Variants in PEX7 observed in about 807,000 individuals in gnomAD.
PEX7 encodes peroxisomal biogenesis factor 7.
Under a neutral mutation model 47.5 loss-of-function variants are expected in PEX7, and 34 were observed. That is an observed-to-expected ratio of 0.72 (90% CI 0.54 to 0.95). PEX7 has a LOEUF of 0.95. Among genes scored for constraint, PEX7 ranks in the 40% least tolerant of loss-of-function variants. PEX7 has a pLI of 0.00. For synonymous variants in PEX7, 141 were observed against 148.8 expected (o/e 0.95, Z 0.38); for missense variants, 394 against 400.3 (o/e 0.98, Z 0.13).
At chr6:136,852,126 T>C (rs1167757588) in intron 5 of PEX7, among the ~76,000 whole-genome samples, 2 of 144,082 alleles carry the variant, frequency 1.4e-5, no homozygotes, top group Non-Finnish European at 3.0e-5. Flanking sequence ...AGGGTTTTTA[T>C]GGTTTTAGGT....
At chr6:136,853,132 A>T (rs1774790834) in intron 5 of PEX7, among the ~76,000 whole-genome samples, 1 of 152,336 alleles carries the variant, frequency 6.6e-6, no homozygotes, top group East Asian at 1.9e-4. Context: ...TGGTTTTTAT[A>T]AATAGTTTCA....
At chr6:136,881,370 G>A (rs756398486) in intron 8 of PEX7, among the ~76,000 whole-genome samples, 3 of 152,138 alleles carry the variant, frequency 2.0e-5, no homozygotes, top group Non-Finnish European at 4.4e-5. Context: ...TGTCGCTCAT[G>A]GATTCAAAAA....
intron 1 of PEX7, 139 bp downstream of exon 1, chr6:136,822,934 C>T: frequency 8.3e-7 from 1 of 1,208,302 alleles, no homozygotes. Flanking sequence ...GCAGAAGAGG[C>T]GCTGGTCGGC....
intron 6 of PEX7, among the ~76,000 whole-genome samples, chr6:136,867,191 T>C (rs1775087114): frequency 1.3e-5 from 2 of 152,224 alleles, no homozygotes; most frequent in South Asian, 4.1e-4. Context: ...CTCTGTAAGA[T>C]AAGTGTCCAT....
rs10670625 is a variant in PEX7, at chr6:136,840,508, T to TGTG, written c.340-5106_340-5105insTGG. Among the ~76,000 whole-genome samples, 298 of 151,836 alleles carry TGTG rather than the reference T, an allele frequency of 2.0e-3. 3 individuals are homozygous for TGTG. Among genetic ancestry groups the TGTG allele is most frequent in the African/African-American group, 6.5e-3 (268 of 41,380 alleles). On this transcript the variant is annotated intron_variant, in intron 3 of 9. Coordinates refer to ENST00000318471, the MANE Select transcript of PEX7 (RefSeq NM_000288.4). ...ATAATGTTGAGCGAAGATGCTAAGT[T>TGTG]GGAGCTACATATAGTGTGAAACCAC... is the stretch of plus-strand genomic sequence containing the variant.
intron 9 of PEX7, among the ~76,000 whole-genome samples, chr6:136,908,436 CA>C (rs1399429081): frequency 6.6e-6 from 1 of 151,930 alleles, no homozygotes; most frequent in African/African-American, 2.4e-5. Context: ...TTTGACAAAC[CA>C]TTTTTTTTTC....
chr6:136,837,868 C>A (rs925531716), intron 3 of PEX7, among the ~76,000 whole-genome samples: 6 of 151,538 alleles, frequency 4.0e-5, no homozygotes, highest in Non-Finnish European at 8.8e-5. Context: ...TCAGTCCTTA[C>A]GTGGAGATGG....
intron 8 of PEX7, among the ~76,000 whole-genome samples, chr6:136,890,507 A>C (rs1416739839): frequency 6.6e-6 from 1 of 151,946 alleles, no homozygotes; most frequent in Non-Finnish European, 1.5e-5. Context: ...AAGGAACAGA[A>C]TTATTTGGTC....
chr6:136,885,722 T>C (rs554751493), intron 8 of PEX7, among the ~76,000 whole-genome samples: 4 of 152,322 alleles, frequency 2.6e-5, no homozygotes, highest in African/African-American at 9.6e-5. Context: ...TTTGTTGGTA[T>C]CGTGGGACAT....
intron 5 of PEX7, among the ~76,000 whole-genome samples, chr6:136,861,817 T>G (rs1014101504): frequency 5.3e-5 from 8 of 150,348 alleles, no homozygotes; most frequent in Admixed American, 5.3e-4. Context: ...CAGACTGGCT[T>G]TCTCCACACA....
At chr6:136,908,773 A>T (rs1775885169) in intron 9 of PEX7, among the ~76,000 whole-genome samples, 1 of 152,236 alleles carries the variant, frequency 6.6e-6, no homozygotes. Flanking sequence ...TAATGCAATT[A>T]TAACTTTTAA....
chr6:136,858,003 A>G (rs762879056), intron 5 of PEX7, among the ~76,000 whole-genome samples: 6 of 152,080 alleles, frequency 3.9e-5, no homozygotes, highest in Non-Finnish European at 2.9e-5. Flanking sequence ...TTTGGTAGAG[A>G]CAGGGTTTCA....
Position 136,843,444 on chromosome 6 carries a change from G to A in PEX7, c.340-2171G>A, listed in dbSNP as rs564276143. ...TAGATTTACAAATAAAGTTTTTTTG[G>A]AATCAAGCCATGCGCATTCATTCGG... On this transcript the variant is annotated intron_variant, in intron 3 of 9. Transcript: ENST00000318471. 6.6e-3 allele frequency among the ~76,000 whole-genome samples: 1,006 copies of A among 152,198 alleles called. 12 individuals are homozygous for A. Among genetic ancestry groups the A allele is most frequent in the Non-Finnish European group, 0.012 (817 of 68,000 alleles).
chr6:136,827,781 C>T (rs1298630490), intron 3 of PEX7, among the ~76,000 whole-genome samples: 3 of 152,084 alleles, frequency 2.0e-5, no homozygotes, highest in Non-Finnish European at 2.9e-5. Context: ...ATCCACCTGC[C>T]TTGGCCTCCC....
At chr6:136,913,134 C>T (rs1290732552) in intron 9 of PEX7, among the ~76,000 whole-genome samples, 1 of 152,150 alleles carries the variant, frequency 6.6e-6, no homozygotes, top group South Asian at 2.1e-4. Flanking sequence ...CGTATCTTTT[C>T]GACATTTATA....
chr6:136,879,511 G>C (rs934244419), intron 8 of PEX7, among the ~76,000 whole-genome samples: 1 of 151,940 alleles, frequency 6.6e-6, no homozygotes, highest in African/African-American at 2.4e-5. Flanking sequence ...TCTTTTACTT[G>C]TAAGTTGTTT....
chr6:136,825,450 C>T (rs1188126659), intron 2 of PEX7, among the ~76,000 whole-genome samples, 179 bp downstream of exon 2: 1 of 152,068 alleles, frequency 6.6e-6, no homozygotes, highest in Admixed American at 6.5e-5. Flanking sequence ...CCCAGCTATT[C>T]CCAAGTCTGA....
chr6:136,888,549 A>G (rs936773325), intron 8 of PEX7, among the ~76,000 whole-genome samples: 1 of 152,142 alleles, frequency 6.6e-6, no homozygotes, highest in Non-Finnish European at 1.5e-5. Flanking sequence ...CCTTTTAAGA[A>G]CGGGAATATT....
chr6:136,901,153 G>T, intron 9 of PEX7: 1 of 153,228 alleles, frequency 6.5e-6, no homozygotes, highest in South Asian at 2.0e-4. Context: ...GTCTTCTTTC[G>T]GCATCTTGGG....
Sources: allele counts gnomAD v4.1 joint callset (sites outside exome capture counted in the v4.1 genomes callset), GRCh38; gene constraint gnomAD v4.1.1; transcripts MANE v1.5; gene names NCBI Gene and HGNC (gene_info 2026-07-23, HGNC 2026-07-21).